CRACD: variants seen among roughly 807,000 people sequenced by gnomAD.
CRACD encodes the protein capping protein-inhibiting regulator of actin dynamics.
Under a neutral mutation model 106.8 loss-of-function variants are expected in CRACD, and 56 were observed. That is an observed-to-expected ratio of 0.52 (90% CI 0.42 to 0.66). The LOEUF (loss-of-function observed/expected upper bound fraction) is 0.66. CRACD is among the 30% of genes least tolerant of loss of function. The pLI, the probability that CRACD is intolerant of heterozygous loss-of-function variation, is 0.00. For missense variants in CRACD, 1,730 were observed against 1,623.2 expected (o/e 1.07, Z -1.13); for synonymous variants, 754 against 670.8 (o/e 1.12, Z -1.92).
At chr4:56,071,589 A>C (rs1342314950) in intron 1 of CRACD, among the ~76,000 whole-genome samples, 3 of 150,924 alleles carry the variant, frequency 2.0e-5, no homozygotes, top group African/African-American at 4.9e-5. Flanking sequence ...AGCTCCCTGC[A>C]ACCTTTGCTT....
chr4:56,137,301 C>T (rs1359576928), intron 1 of CRACD, among the ~76,000 whole-genome samples: 2 of 151,914 alleles, frequency 1.3e-5, no homozygotes, highest in Non-Finnish European at 2.9e-5. Flanking sequence ...AGAAAATTTT[C>T]AGCTCCATCA....
At chr4:56,116,897 A>C (rs568527652) in intron 1 of CRACD, among the ~76,000 whole-genome samples, 8 of 151,454 alleles carry the variant, frequency 5.3e-5, no homozygotes, top group African/African-American at 1.9e-4. Context: ...TGGTAGAGAC[A>C]GGGTTTCGCC....
intron 1 of CRACD, among the ~76,000 whole-genome samples, chr4:56,082,683 G>C (rs1466212334): frequency 6.6e-6 from 1 of 152,152 alleles, no homozygotes; most frequent in East Asian, 1.9e-4. Context: ...TTTGAAGAAA[G>C]GATGGGATTT....
intron 2 of CRACD, among the ~76,000 whole-genome samples, chr4:56,179,902 A>G (rs1362088213): frequency 6.6e-6 from 1 of 152,058 alleles, no homozygotes; most frequent in Non-Finnish European, 1.5e-5. Context: ...CTGTAGTCCC[A>G]GCTACTCAGG....
At chr4:56,312,334 A>T (rs1328669759) in intron 6 of CRACD, among the ~76,000 whole-genome samples, 1 of 151,934 alleles carries the variant, frequency 6.6e-6, no homozygotes, top group Non-Finnish European at 1.5e-5. Flanking sequence ...ATTTATTTTT[A>T]AAGTATTTAG....
intron 3 of CRACD, among the ~76,000 whole-genome samples, chr4:56,281,121 G>A (rs1297961991): frequency 6.6e-6 from 1 of 152,180 alleles, no homozygotes; most frequent in Non-Finnish European, 1.5e-5. Context: ...GTACCGGTGT[G>A]TGGCCTGTTA....
intron 2 of CRACD, among the ~76,000 whole-genome samples, chr4:56,226,204 G>A (rs1739294252): frequency 6.6e-6 from 1 of 152,182 alleles, no homozygotes; most frequent in Admixed American, 6.5e-5. Flanking sequence ...GTAGGACTCT[G>A]ACTATCCCAG....
chr4:56,125,683 T>C, intron 1 of CRACD, among the ~76,000 whole-genome samples: 1 of 151,922 alleles, frequency 6.6e-6, no homozygotes, highest in African/African-American at 2.4e-5. Context: ...TCCCAAAGTG[T>C]TGGGATTACA....
chr4:56,217,183 A>G (rs1577751538), intron 2 of CRACD, among the ~76,000 whole-genome samples: 1 of 152,028 alleles, frequency 6.6e-6, no homozygotes, highest in Admixed American at 6.6e-5. Flanking sequence ...CAAAGTACCA[A>G]AAACTAGATG....
chr4:56,171,871 A>G (rs971898946), intron 1 of CRACD, among the ~76,000 whole-genome samples: 1 of 152,104 alleles, frequency 6.6e-6, no homozygotes, highest in Non-Finnish European at 1.5e-5. Context: ...TTCCACCTTT[A>G]TAGCTCCAAA....
chr4:56,078,813 C>T (rs903560165), intron 1 of CRACD, among the ~76,000 whole-genome samples: 6 of 152,050 alleles, frequency 3.9e-5, no homozygotes, highest in African/African-American at 1.4e-4. Context: ...TGGGGGTTAC[C>T]CTTGGCTGAA....
chr4:56,171,140 C>T (rs538141836), intron 1 of CRACD, among the ~76,000 whole-genome samples: 155 of 152,062 alleles, frequency 1.0e-3, no homozygotes, highest in African/African-American at 3.5e-3. Flanking sequence ...TGACAGAGAT[C>T]GTCTTAGAAA....
intron 1 of CRACD, among the ~76,000 whole-genome samples, chr4:56,142,193 T>C (rs961181865): frequency 1.3e-5 from 2 of 152,216 alleles, no homozygotes; most frequent in African/African-American, 4.8e-5. Context: ...TTATCCTACA[T>C]TGATTATTTT....
intron 1 of CRACD, among the ~76,000 whole-genome samples, chr4:56,140,289 A>T (rs1735147504): frequency 6.6e-6 from 1 of 152,148 alleles, no homozygotes; most frequent in Non-Finnish European, 1.5e-5. Context: ...TTTGCTCTGG[A>T]TTGTAGCAGA....
At chr4:56,076,871 T>A (rs1732857697) in intron 1 of CRACD, among the ~76,000 whole-genome samples, 1 of 152,244 alleles carries the variant, frequency 6.6e-6, no homozygotes, top group East Asian at 1.9e-4. Context: ...GTTTTGTTGA[T>A]GGACAAATAA....
chr4:56,270,531 G>C (rs924724675), intron 2 of CRACD, among the ~76,000 whole-genome samples: 8 of 152,144 alleles, frequency 5.3e-5, no homozygotes, highest in African/African-American at 1.7e-4. Context: ...TGGGGGAGTT[G>C]TATCTGTGCG....
At chr4:56,057,810 T>G (rs200448813) in intron 1 of CRACD, among the ~76,000 whole-genome samples, 1,098 of 60,030 alleles carry the variant, frequency 0.018, 263 homozygotes, top group African/African-American at 0.12. Context: ...TTTTTTTTTT[T>G]TTTGTTTTTT....
chr4:56,130,728 T>A (rs28603237), intron 1 of CRACD, among the ~76,000 whole-genome samples: 7,368 of 152,292 alleles, frequency 0.048, 276 homozygotes, highest in East Asian at 0.09. Context: ...TTTTTCCTGT[T>A]TCTTTTCATG....
At chr4:56,174,040 T>G (rs747498705) in intron 1 of CRACD, among the ~76,000 whole-genome samples, 1 of 152,228 alleles carries the variant, frequency 6.6e-6, no homozygotes, top group Non-Finnish European at 1.5e-5. Flanking sequence ...ATGCAAATCC[T>G]TTGTCCATTA....
Sources: allele counts gnomAD v4.1 joint callset (sites outside exome capture counted in the v4.1 genomes callset), GRCh38; gene constraint gnomAD v4.1.1; transcripts MANE v1.5; gene names NCBI Gene and HGNC (gene_info 2026-07-23, HGNC 2026-07-21).